Variants in TTLL2 observed in about 807,000 individuals in gnomAD.
TTLL2 encodes the protein tubulin tyrosine ligase like 2, also known as probable tubulin polyglutamylase TTLL2.
In TTLL2, 10 loss-of-function variants were observed where a neutral mutation model predicts 7.5. The ratio of observed to expected loss-of-function variants is 1.33; its 90% CI spans 0.82 to 2.25. The LOEUF is 2.25. TTLL2 is among the 30% of genes most tolerant of loss of function. TTLL2 has a pLI of 0.00. For missense variants in TTLL2, 733 were observed against 735.7 expected, an observed-to-expected ratio of 1.00 and a Z score of 0.04; for synonymous variants, 284 against 280.3, an observed-to-expected ratio of 1.01 and a Z score of -0.13.
At chr6:167,340,060 T>C in intron 2 of TTLL2, 45 bp from the exon 3 acceptor site, 2 of 1,525,450 alleles carry the variant, frequency 1.3e-6, no homozygotes, top group Non-Finnish European at 1.8e-6. Context: ...TACTAGGTTA[T>C]GGTCTTGACC....
intron 1 of TTLL2, among the ~76,000 whole-genome samples, chr6:167,331,865 C>T (rs973268639): frequency 2.0e-5 from 3 of 152,170 alleles, no homozygotes; most frequent in East Asian, 1.9e-4. Flanking sequence ...GATTTCTATA[C>T]GCCGCTTTAC....
Position 167,341,712 on chromosome 6 carries a change from T to C in TTLL2, c.*33T>C. 6.4e-7 allele frequency: 1 copy of C among 1,556,880 alleles called. No individual in the cohort carries two copies. The highest frequency in any genetic ancestry group is 1.3e-5 in the South Asian group (1 of 79,788). On this transcript the variant is annotated 3_prime_UTR_variant, in exon 3 of 3. Transcript: ENST00000239587. ...AAAATCAAATCAAGAAAAAGTGACATGGATTTTTAAAAACCAAGGATCCTG... is the reference window on the plus strand; with the variant it reads ...AAAATCAAATCAAGAAAAAGTGACACGGATTTTTAAAAACCAAGGATCCTG...
chr6:167,328,173 G>C (rs1331619225), intron 1 of TTLL2: 3 of 454,972 alleles, frequency 6.6e-6, no homozygotes, highest in African/African-American at 6.0e-5. Context: ...GCCTGTCTTG[G>C]ATGGAAGAAA....
rs199837133 is a variant in TTLL2, at chr6:167,340,252, G to A, written c.352G>A (p.Ala118Thr). 1.9e-5 allele frequency: 31 copies of A among 1,614,112 alleles called. No homozygotes were observed. The Middle Eastern group carries it at 5.0e-4, about 26-fold the overall frequency. Residue 118 changes from alanine to threonine, a missense_variant, in exon 3 of 3, where the codon GCG becomes ACG. By Grantham distance (58) the Ala-to-Thr change is moderately conservative. Coordinates refer to ENST00000239587, the MANE Select transcript of TTLL2 (RefSeq NM_031949.5). ...WNKFDKQEQN[A>T]EDWNLYWRTS... ...TAAGTTTGATAAGCAGGAGCAGAAC[G>A]CGGAGGACTGGAACCTGTACTGGAG...
Position 167,340,292 on chromosome 6 carries a change from G to A in TTLL2, c.392G>A (p.Arg131Gln), listed in dbSNP as rs144414037. 7.1e-5 allele frequency: 115 copies of A among 1,614,072 alleles called. No homozygotes were observed. In the African/African-American group the frequency reaches 9.5e-4, roughly 13 times the overall value. Residue 131 changes from arginine (R) to glutamine (Q), a missense_variant, in exon 3 of 3, where the codon CGA becomes CAA. Coordinates refer to ENST00000239587, the MANE Select transcript of TTLL2 (RefSeq NM_031949.5). ...WNLYWRTSSF[R>Q]MTEHNSVKPW... Reference sequence around the variant, plus strand: ...CTGTACTGGAGGACATCCTCTTTCCGAATGACCGAACACAACAGTGTTAAA... The same window carrying A: ...CTGTACTGGAGGACATCCTCTTTCCAAATGACCGAACACAACAGTGTTAAA...
chr6:167,325,419 G>A (rs1778836649), intron 1 of TTLL2, among the ~76,000 whole-genome samples, 199 bp downstream of exon 1: 2 of 152,210 alleles, frequency 1.3e-5, no homozygotes, highest in Non-Finnish European at 2.9e-5. Context: ...ATGAAGTCAT[G>A]TACTTTTCAA....
chr6:167,338,228 C>G (rs987943808), intron 1 of TTLL2, among the ~76,000 whole-genome samples: 1 of 151,876 alleles, frequency 6.6e-6, no homozygotes, highest in Admixed American at 6.6e-5. Context: ...ACAACATACA[C>G]ACAACACAAG....
chr6:167,339,994 G>A (rs931089020), intron 2 of TTLL2, 111 bp from the exon 3 acceptor site: 2 of 1,177,502 alleles, frequency 1.7e-6, no homozygotes. Context: ...CACAGTGGGA[G>A]GGTGGACACA....
rs886355541 is a variant in TTLL2 at position 167,342,442 on chromosome 6, C to T, written c.*763C>T. Among the ~76,000 whole-genome samples the T allele has an allele frequency of 6.6e-5, 10 of 152,212 alleles. No individual in the cohort carries two copies. The highest frequency in any genetic ancestry group is 2.0e-4 in the Admixed American group (3 of 15,288). ...GAAAGTAGTCAGATACAAAAGGCCACATGTTGTATGACTCCGTTGATATGG... is the reference window on the plus strand; with the variant it reads ...GAAAGTAGTCAGATACAAAAGGCCATATGTTGTATGACTCCGTTGATATGG... On this transcript the variant is annotated 3_prime_UTR_variant, in exon 3 of 3. Transcript: ENST00000239587.
intron 1 of TTLL2, among the ~76,000 whole-genome samples, chr6:167,330,546 C>A (rs543008370): frequency 6.7e-5 from 10 of 149,172 alleles, no homozygotes; most frequent in Non-Finnish European, 1.2e-4. Context: ...GGGACAAAAG[C>A]GAAAATCCAT....
chr6:167,326,687 C>T (rs897477997), intron 1 of TTLL2, among the ~76,000 whole-genome samples: 1 of 152,284 alleles, frequency 6.6e-6, no homozygotes, highest in African/African-American at 2.4e-5. Flanking sequence ...TGGCCCAACA[C>T]AAATTTGTAA....
rs575350467 is a variant in TTLL2, at chr6:167,342,236, G to T, written c.*557G>T. Among the ~76,000 whole-genome samples the T allele has an allele frequency of 1.3e-5, 2 of 152,232 alleles. No homozygotes were observed. The highest frequency in any genetic ancestry group is 4.8e-5 in the African/African-American group (2 of 41,518). On this transcript the variant is annotated 3_prime_UTR_variant, in exon 3 of 3. Transcript: ENST00000239587. ...TTTGCACCAAAGAGCTCCCTGTGGG[G>T]GCATCTTTGGGCTGTATTTAAATAG...
At position 167,340,241 on chromosome 6, in the gene TTLL2, A is replaced by G; in HGVS notation, c.341A>G (p.Gln114Arg). The change falls in exon 3 of 3, where the codon CAG (glutamine) becomes CGG (arginine). Residue 114 changes from glutamine to arginine, a missense_variant. Physicochemically the swap from Gln to Arg is conservative, Grantham distance 43. Coordinates refer to ENST00000239587, the MANE Select transcript of TTLL2 (RefSeq NM_031949.5). ...LERGWNKFDK[Q>R]EQNAEDWNLY... is the part of the protein sequence containing the mutation. ...AGGGGGTGGAATAAGTTTGATAAGC[A>G]GGAGCAGAACGCGGAGGACTGGAAC... is the stretch of plus-strand genomic sequence containing the variant. 1 of 1,614,138 alleles carries G rather than the reference A, an allele frequency of 6.2e-7. No homozygotes were observed. The highest frequency in any genetic ancestry group is 1.1e-5 in the South Asian group (1 of 91,070).
Position 167,341,684 on chromosome 6 carries a change from T to G in TTLL2, c.*5T>G. On this transcript the variant is annotated 3_prime_UTR_variant, in exon 3 of 3. Transcript: ENST00000239587. ...ATGAATAAGCAACATTCCTAAGTGG[T>G]AAAAAATCAAATCAAGAAAAAGTGA... The G allele has an allele frequency of 6.3e-7, 1 of 1,580,312 alleles. No homozygotes were observed. Among genetic ancestry groups the G allele is most frequent in the South Asian group, 1.2e-5 (1 of 85,064 alleles).
At chr6:167,336,649 A>G (rs878991288) in intron 1 of TTLL2, among the ~76,000 whole-genome samples, 2 of 151,996 alleles carry the variant, frequency 1.3e-5, no homozygotes, top group Admixed American at 6.6e-5. Context: ...GAGACAAGAC[A>G]GTGGTTTTGC....
chr6:167,339,555 C>T (rs538381759), intron 2 of TTLL2, among the ~76,000 whole-genome samples: 1 of 152,286 alleles, frequency 6.6e-6, no homozygotes, highest in East Asian at 1.9e-4. Flanking sequence ...AGCCTCTATG[C>T]ACCGAAACCC....
In TTLL2 at chr6:167,342,240, T is replaced by A. The variant is rs970496956; in HGVS notation, c.*561T>A. On this transcript the variant is annotated 3_prime_UTR_variant, in exon 3 of 3. Coordinates refer to ENST00000239587, the MANE Select transcript of TTLL2 (RefSeq NM_031949.5). ...CACCAAAGAGCTCCCTGTGGGGGCA[T>A]CTTTGGGCTGTATTTAAATAGTGGC... Among the ~76,000 whole-genome samples the A allele has an allele frequency of 6.6e-6, 1 of 152,238 alleles. No homozygotes were observed. Among genetic ancestry groups the A allele is most frequent in the Non-Finnish European group, 1.5e-5 (1 of 68,044 alleles).
At position 167,340,561 on chromosome 6, in the gene TTLL2, G is replaced by A. The variant is rs142290843; in HGVS notation, c.661G>A (p.Gly221Arg). The change falls in exon 3 of 3, where the codon GGG becomes AGG. Residue 221 changes from glycine (G) to arginine (R), a missense_variant. Coordinates refer to ENST00000239587, the MANE Select transcript of TTLL2 (RefSeq NM_031949.5). Reference sequence around the variant, plus strand: ...GCCTGCTGAGTTATCTCGTGGGAGGGGGATACTAATTTTCAGTGACTTTAA... The same window carrying A: ...GCCTGCTGAGTTATCTCGTGGGAGGAGGATACTAATTTTCAGTGACTTTAA... Reference protein sequence around the residue: ...CKPAELSRGRGILIFSDFKDF... With the variant: ...CKPAELSRGRRILIFSDFKDF... The A allele has an allele frequency of 1.2e-6, 2 of 1,613,950 alleles. No homozygotes were observed. Among genetic ancestry groups the A allele is most frequent in the South Asian group, 2.2e-5 (2 of 91,076 alleles).
intron 1 of TTLL2, among the ~76,000 whole-genome samples, chr6:167,325,698 G>A (rs987161977): frequency 1.3e-5 from 2 of 152,118 alleles, no homozygotes; most frequent in East Asian, 1.9e-4. Context: ...ATTCAGGGCC[G>A]AGCAGAATTG....
Sources: gnomAD v4.1 joint callset for allele counts (sites outside exome capture counted in the v4.1 genomes callset) on GRCh38, gnomAD v4.1.1 for gene constraint, MANE v1.5 for transcripts, NCBI Gene and HGNC (gene_info 2026-07-23, HGNC 2026-07-21) for gene names.